VPS13C: variants seen among roughly 807,000 people sequenced by gnomAD.
VPS13C encodes vacuolar protein sorting 13 homolog C.
Under a neutral mutation model 456.8 loss-of-function variants are expected in VPS13C, and 358 were observed. The observed-to-expected ratio is 0.78, with a 90% confidence interval of 0.72 to 0.86. The LOEUF (loss-of-function observed/expected upper bound fraction) is 0.86. VPS13C is among the 40% of genes least tolerant of loss of function. The pLI is 0.00. For missense variants in VPS13C, 4,818 were observed against 4,385.4 expected, an observed-to-expected ratio of 1.10 and a Z score of -2.79; for synonymous variants, 1,578 against 1,486.7, an observed-to-expected ratio of 1.06 and a Z score of -1.41.
intron 23 of VPS13C, among the ~76,000 whole-genome samples, chr15:61,978,178 A>C (rs954732981): frequency 6.6e-6 from 1 of 152,136 alleles, no homozygotes; most frequent in Non-Finnish European, 1.5e-5. Flanking sequence ...TACTTCTCAG[A>C]TATCTACAAA....
chr15:62,032,307 G>T (rs1453579690), intron 5 of VPS13C, among the ~76,000 whole-genome samples: 2 of 151,434 alleles, frequency 1.3e-5, no homozygotes, highest in African/African-American at 4.8e-5. Flanking sequence ...TTGCTTTTTT[G>T]CCATGGTAAA....
intron 23 of VPS13C, 60 bp from the exon 24 acceptor site, chr15:61,977,259 T>TAAAAATAA: frequency 1.0e-6 from 1 of 979,642 alleles, no homozygotes; most frequent in Non-Finnish European, 1.4e-6. Context: ...GGAACATGGA[T>TAAAAATAA]AAATATTATT....
chr15:62,041,448 A>C (rs2048238581), intron 2 of VPS13C, 82 bp from the exon 3 acceptor site: 1 of 1,340,204 alleles, frequency 7.5e-7, no homozygotes, highest in African/African-American at 1.5e-5. Flanking sequence ...TCATTTAAAT[A>C]CACATGTCCA....
Position 61,982,401 on chromosome 15 carries a change from AGAG to A in VPS13C, c.2029+55_2029+57del, listed in dbSNP as rs1596417658. 9 of 1,328,784 alleles carry A rather than the reference AGAG, an allele frequency of 6.8e-6. No homozygotes were observed. The East Asian group carries it at 2.1e-4, about 31-fold the overall frequency. The allele number at this position is 1,328,784 out of a possible 1,614,324, so 82.3% of individuals were successfully genotyped here. ...ATATTTTGAATACAATGTTTACATT[AGAG>A]TAGGCAAAATTTTTAAGCTTAGCTG... On this transcript the variant is annotated intron_variant, in intron 21 of 84. Transcript: ENST00000644861.
Position 61,927,074 on chromosome 15 carries a change from C to T in VPS13C, c.6516+17G>A, listed in dbSNP as rs1334250897. ...GCCATTCTTCAACCCAAGATTAGGA[C>T]ACAAGGTAATTCTTACTGTGGTAAT... On this transcript the variant is annotated intron_variant, in intron 52 of 84. Transcript: ENST00000644861. 3.1e-6 allele frequency: 5 copies of T among 1,607,740 alleles called. No individual in the cohort carries two copies. The African/African-American group carries it at 5.4e-5, about 17-fold the overall frequency.
chr15:61,866,230 A>T, intron 81 of VPS13C: 1 of 985,000 alleles, frequency 1.0e-6, no homozygotes, highest in Non-Finnish European at 1.2e-6. Flanking sequence ...ATTAGTGTAT[A>T]ATCATTCTTT....
intron 8 of VPS13C, among the ~76,000 whole-genome samples, chr15:62,022,146 A>G (rs1426416605): frequency 6.6e-6 from 1 of 151,922 alleles, no homozygotes; most frequent in Non-Finnish European, 1.5e-5. Flanking sequence ...TTGGATATAT[A>G]CAGCAGTTCC....
chr15:61,984,051 G>T lies in VPS13C; in HGVS notation c.1722-39C>A, dbSNP rs751629900. On this transcript the variant is annotated intron_variant, in intron 19 of 84. Coordinates refer to ENST00000644861, the MANE Select transcript of VPS13C (RefSeq NM_020821.3). ...AAGAACAAGGAAAGATGCAGACAAGGTCTTTTGTAATCTAATGGACTAAAA... is the reference window on the plus strand; with the variant it reads ...AAGAACAAGGAAAGATGCAGACAAGTTCTTTTGTAATCTAATGGACTAAAA... The T allele has an allele frequency of 2.5e-6, 4 of 1,573,060 alleles. No homozygotes were observed. In the South Asian group the frequency reaches 3.4e-5, roughly 13 times the overall value.
chr15:62,006,499 T>C (rs1476180352), intron 15 of VPS13C, among the ~76,000 whole-genome samples: 3 of 152,190 alleles, frequency 2.0e-5, no homozygotes, highest in Non-Finnish European at 2.9e-5. Flanking sequence ...TAATCCAGTC[T>C]ATCGTTGTTG....
intron 57 of VPS13C, among the ~76,000 whole-genome samples, chr15:61,919,716 T>G (rs1049624045): frequency 3.3e-5 from 5 of 151,166 alleles, no homozygotes; most frequent in African/African-American, 1.2e-4. Flanking sequence ...AGCAACAATC[T>G]TTTTCTTTGT....
At chr15:61,883,197 T>C (rs1202127122) in intron 68 of VPS13C, among the ~76,000 whole-genome samples, 1 of 148,580 alleles carries the variant, frequency 6.7e-6, no homozygotes, top group Non-Finnish European at 1.5e-5. Context: ...ATTTTAATTT[T>C]ATTATCTTTT....
In VPS13C at chr15:61,901,666, A is replaced by T. The variant is rs546977147; in HGVS notation, c.9105+5598T>A. Among the ~76,000 whole-genome samples the T allele has an allele frequency of 1.7e-4, 26 of 152,104 alleles. No homozygotes were observed. In the South Asian group the frequency reaches 5.2e-3, roughly 30 times the overall value. On this transcript the variant is annotated intron_variant, in intron 66 of 84. Coordinates refer to ENST00000644861, the MANE Select transcript of VPS13C (RefSeq NM_020821.3). ...GGAACACTTTTACACTGTTGGTGGG[A>T]CTGTAAACTAGTTCAACCATTGTGG...
chr15:61,916,484 A>T lies in VPS13C; in HGVS notation c.8056-462T>A, dbSNP rs145245653. ...AGTTACTCTGACGAGTTATCTAAGT[A>T]AGGTGGCATTATTTGAAAAATGAAT... On this transcript the variant is annotated intron_variant, in intron 60 of 84. Coordinates refer to ENST00000644861, the MANE Select transcript of VPS13C (RefSeq NM_020821.3). Among the ~76,000 whole-genome samples the T allele has an allele frequency of 3.8e-3, 585 of 152,322 alleles. 4 individuals are homozygous for T. The highest frequency in any genetic ancestry group is 0.013 in the African/African-American group (550 of 41,570).
rs1320196975 is a variant in VPS13C, at chr15:61,920,084, A to G, written c.7460T>C (p.Phe2487Ser). ...LSILSRQESSFFTLTIVPHGY... is the reference protein window; with the variant it reads ...LSILSRQESSSFTLTIVPHGY... Reference sequence around the variant, plus strand: ...TAGCCTACCAATGGTCAGAGTGAAGAAGGAGCTTTCTTGACGGCTCAATAT... The same window carrying G: ...TAGCCTACCAATGGTCAGAGTGAAGGAGGAGCTTTCTTGACGGCTCAATAT... The change falls in exon 57 of 85, where the codon TTC becomes TCC. Residue 2487 changes from phenylalanine to serine, a missense_variant. Transcript: ENST00000644861. 2 of 1,607,184 alleles carry G rather than the reference A, an allele frequency of 1.2e-6. No homozygotes were observed. The highest frequency in any genetic ancestry group is 2.2e-5 in the East Asian group (1 of 44,770).
intron 10 of VPS13C, 134 bp from the exon 11 acceptor site, chr15:62,013,253 A>G: frequency 5.6e-6 from 3 of 537,994 alleles, no homozygotes; most frequent in Non-Finnish European, 9.4e-6. Flanking sequence ...AAAGAAAATA[A>G]CATAAAAATG....
intron 82 of VPS13C, among the ~76,000 whole-genome samples, chr15:61,861,162 C>T (rs946302997): frequency 6.6e-6 from 1 of 151,756 alleles, no homozygotes. Flanking sequence ...GAGGTTTCAC[C>T]ATGTTGGCCA....
intron 23 of VPS13C, among the ~76,000 whole-genome samples, 157 bp downstream of exon 23, chr15:61,978,469 T>C (rs1344488288): frequency 6.6e-6 from 1 of 152,184 alleles, no homozygotes; most frequent in Admixed American, 6.5e-5. Context: ...TGTAGTAATT[T>C]ACACTGATAG....
intron 6 of VPS13C, among the ~76,000 whole-genome samples, chr15:62,026,966 C>T (rs937916725): frequency 6.6e-6 from 1 of 151,960 alleles, no homozygotes; most frequent in Non-Finnish European, 1.5e-5. Flanking sequence ...ATTGCTTTTG[C>T]ACCAGCAATG....
chr15:62,037,252 T>TTATATATATTATATTATATAATATA (rs2048046292), intron 3 of VPS13C, among the ~76,000 whole-genome samples: 2 of 22,226 alleles, frequency 9.0e-5, no homozygotes, highest in African/African-American at 3.6e-4. Context: ...ATATAATATA[T>TTATATATATTATATTATATAATATA]TTATATATAT....
Sources: allele counts gnomAD v4.1 joint callset (sites outside exome capture counted in the v4.1 genomes callset), GRCh38; gene constraint gnomAD v4.1.1; transcripts MANE v1.5; gene names NCBI Gene and HGNC (gene_info 2026-07-23, HGNC 2026-07-21).